STXBP5L: variants seen among roughly 807,000 people sequenced by gnomAD.
The protein encoded by STXBP5L is syntaxin-binding protein 5-like.
STXBP5L carries 65 observed loss-of-function variants against 144.5 expected under a neutral mutation model. The ratio of observed to expected loss-of-function variants is 0.45; its 90% confidence interval spans 0.37 to 0.55. The LOEUF is 0.55. Ranked by LOEUF, STXBP5L falls within the 20% of genes least tolerant of loss-of-function variation. The pLI, the probability that STXBP5L is intolerant of heterozygous loss-of-function variation, is 0.00. For synonymous variants in STXBP5L, 505 were observed against 469.6 expected (o/e 1.08, Z -0.97); for missense variants, 1,298 against 1,405.5 (o/e 0.92, Z 1.22).
intron 20 of STXBP5L, among the ~76,000 whole-genome samples, chr3:121,354,401 C>G (rs2045421989): frequency 6.6e-6 from 1 of 151,428 alleles, no homozygotes; most frequent in Non-Finnish European, 1.5e-5. Flanking sequence ...ATAGTTACAT[C>G]TTCTTGTTGA....
At chr3:121,206,708 G>A (rs1407424017) in intron 10 of STXBP5L, among the ~76,000 whole-genome samples, 1 of 152,112 alleles carries the variant, frequency 6.6e-6, no homozygotes, top group Non-Finnish European at 1.5e-5. Context: ...CAGCTACTTG[G>A]GAGGCTGAGG....
intron 11 of STXBP5L, among the ~76,000 whole-genome samples, chr3:121,231,864 A>G (rs897826048): frequency 2.0e-5 from 3 of 152,220 alleles, no homozygotes; most frequent in African/African-American, 7.2e-5. Flanking sequence ...ATCAGAATAC[A>G]AACAGAAACA....
intron 20 of STXBP5L, among the ~76,000 whole-genome samples, chr3:121,365,332 G>A (rs974345832): frequency 6.6e-5 from 10 of 151,722 alleles, no homozygotes; most frequent in Admixed American, 2.0e-4. Context: ...TACAAGGACT[G>A]ATATTATTCT....
At chr3:121,008,096 G>T (rs773544885) in intron 3 of STXBP5L, among the ~76,000 whole-genome samples, 2 of 151,794 alleles carry the variant, frequency 1.3e-5, no homozygotes, top group Non-Finnish European at 2.9e-5. Flanking sequence ...TTCCTACTGG[G>T]TTTATGTAGG....
intron 19 of STXBP5L, among the ~76,000 whole-genome samples, chr3:121,293,805 G>C (rs1042861774): frequency 6.6e-6 from 1 of 152,218 alleles, no homozygotes; most frequent in Non-Finnish European, 1.5e-5. Flanking sequence ...AGGTTGCCGT[G>C]AGCCAAGATG....
intron 5 of STXBP5L, among the ~76,000 whole-genome samples, chr3:121,078,842 C>T (rs920627855): frequency 6.6e-6 from 1 of 152,286 alleles, no homozygotes; most frequent in Admixed American, 6.5e-5. Flanking sequence ...TGGCCGGCTG[C>T]TCTGAGTGCG....
chr3:121,395,972 G>A (rs1192142380), intron 22 of STXBP5L, among the ~76,000 whole-genome samples: 1 of 152,204 alleles, frequency 6.6e-6, no homozygotes, highest in Non-Finnish European at 1.5e-5. Flanking sequence ...AGTTTCAGGT[G>A]TCTTGATGGT....
chr3:121,409,873 ATTCT>A (rs1023818257), intron 23 of STXBP5L, among the ~76,000 whole-genome samples: 8 of 151,746 alleles, frequency 5.3e-5, no homozygotes, highest in Non-Finnish European at 7.4e-5. Flanking sequence ...GGTATTGATT[ATTCT>A]TTCAGGAAAT....
At chr3:120,990,167 G>T (rs1415903770) in intron 3 of STXBP5L, among the ~76,000 whole-genome samples, 1 of 152,062 alleles carries the variant, frequency 6.6e-6, no homozygotes, top group Non-Finnish European at 1.5e-5. Flanking sequence ...ACCAATAACA[G>T]ACAAACAGAG....
At chr3:121,137,746 A>G (rs761767589) in intron 7 of STXBP5L, among the ~76,000 whole-genome samples, 1 of 152,110 alleles carries the variant, frequency 6.6e-6, no homozygotes, top group Non-Finnish European at 1.5e-5. Context: ...TATGATATAA[A>G]TTTTCAGTAA....
At chr3:121,263,913 C>T (rs561894926) in intron 18 of STXBP5L, among the ~76,000 whole-genome samples, 1 of 152,294 alleles carries the variant, frequency 6.6e-6, no homozygotes, top group East Asian at 1.9e-4. Context: ...AGGAGAACTT[C>T]CCCAACCTAG....
intron 9 of STXBP5L, among the ~76,000 whole-genome samples, chr3:121,199,753 G>A (rs1049860519): frequency 1.3e-5 from 2 of 152,054 alleles, no homozygotes; most frequent in African/African-American, 2.4e-5. Context: ...TGTGGTTTTT[G>A]TCATTCGATC....
intron 7 of STXBP5L, among the ~76,000 whole-genome samples, chr3:121,122,458 A>C (rs1274480878): frequency 6.6e-6 from 1 of 151,362 alleles, no homozygotes; most frequent in Non-Finnish European, 1.5e-5. Flanking sequence ...TAAGAAAAGA[A>C]AATGTATACG....
intron 3 of STXBP5L, among the ~76,000 whole-genome samples, chr3:121,034,364 A>G (rs1946603635): frequency 1.3e-5 from 2 of 152,096 alleles, no homozygotes; most frequent in Non-Finnish European, 2.9e-5. Context: ...TTTAACTCCC[A>G]TCTATAAGTG....
intron 19 of STXBP5L, among the ~76,000 whole-genome samples, chr3:121,280,402 G>A (rs2051018498): frequency 6.6e-6 from 1 of 151,696 alleles, no homozygotes; most frequent in African/African-American, 2.4e-5. Flanking sequence ...ATTCCATATT[G>A]TAGCTGACTC....
chr3:121,120,831 C>G (rs2044425506), intron 6 of STXBP5L, among the ~76,000 whole-genome samples: 1 of 151,222 alleles, frequency 6.6e-6, no homozygotes, highest in African/African-American at 2.4e-5. Flanking sequence ...TAATTTGACA[C>G]TGTTAGGTCG....
At chr3:121,190,439 T>G (rs1336918628) in intron 9 of STXBP5L, among the ~76,000 whole-genome samples, 1 of 152,328 alleles carries the variant, frequency 6.6e-6, no homozygotes, top group Non-Finnish European at 1.5e-5. Flanking sequence ...AAATGGAGTC[T>G]CCTATGTCTA....
At chr3:120,997,731 G>A (rs1313493270) in intron 3 of STXBP5L, among the ~76,000 whole-genome samples, 2 of 152,034 alleles carry the variant, frequency 1.3e-5, no homozygotes, top group Non-Finnish European at 2.9e-5. Context: ...TAGATTGTCT[G>A]TTTACTCTGT....
chr3:121,160,334 T>C (rs2046275879), intron 9 of STXBP5L, among the ~76,000 whole-genome samples: 1 of 152,184 alleles, frequency 6.6e-6, no homozygotes, highest in South Asian at 2.1e-4. Flanking sequence ...AGTCCACCTT[T>C]TGTATACACA....
Sources: allele counts gnomAD v4.1 joint callset (sites outside exome capture counted in the v4.1 genomes callset), GRCh38; gene constraint gnomAD v4.1.1; transcripts MANE v1.5; gene names NCBI Gene and HGNC (gene_info 2026-07-23, HGNC 2026-07-21).